FUBP3: variants seen among roughly 807,000 people sequenced by gnomAD.
FUBP3 encodes the protein far upstream element binding protein 3.
Under a neutral mutation model 85.6 loss-of-function variants are expected in FUBP3, and 28 were observed. That is an observed-to-expected ratio of 0.33 (90% CI 0.24 to 0.45). The LOEUF is 0.45. Ranked by LOEUF, FUBP3 falls within the 20% of genes least tolerant of loss-of-function variation. The pLI is 1.00. For missense variants in FUBP3, 583 were observed against 755.1 expected (o/e 0.77, Z 2.67); for synonymous variants, 271 against 271.4 (o/e 1.00, Z 0.01).
At chr9:130,603,347 CAAAAAAAAAAA>C (rs34850259) in intron 2 of FUBP3, among the ~76,000 whole-genome samples, 4 of 83,818 alleles carry the variant, frequency 4.8e-5, no homozygotes, top group South Asian at 4.1e-4. Flanking sequence ...ACTCTGTCTC[CAAAAAAAAAAA>C]AAAAAAAAAA....
At chr9:130,599,548 G>C (rs907870420) in intron 2 of FUBP3, among the ~76,000 whole-genome samples, 2 of 152,062 alleles carry the variant, frequency 1.3e-5, no homozygotes, top group Non-Finnish European at 2.9e-5. Flanking sequence ...AGAACCCAGA[G>C]CAGAATTTAG....
At position 130,579,654 on chromosome 9, in the gene FUBP3, GCGGCGGCGA is replaced by G. The variant is rs71387369; in HGVS notation, c.-18_-10del. ...AGCGGCGGCGTCGGCGGCGTCGGCG[GCGGCGGCGA>G]CGGCGGCGGGGGCGGTAATGGCGGA... is the stretch of plus-strand genomic sequence containing the variant. On this transcript the variant is annotated 5_prime_UTR_variant, in exon 1 of 19. Transcript: ENST00000319725. 17,589 of 1,213,270 alleles carry G rather than the reference GCGGCGGCGA, an allele frequency of 0.014. 125 individuals carry two copies. The highest frequency in any genetic ancestry group is 0.031 in the Middle Eastern group (102 of 3,278). 75.2% of individuals were successfully genotyped at this position (1,213,270 alleles called of 1,614,324 possible).
intron 12 of FUBP3, among the ~76,000 whole-genome samples, chr9:130,627,497 C>A (rs913607377): frequency 6.6e-6 from 1 of 152,224 alleles, no homozygotes; most frequent in Non-Finnish European, 1.5e-5. Context: ...TGGGAGCCCC[C>A]CGACACTCAC....
At chr9:130,590,280 A>G (rs1196646301) in intron 1 of FUBP3, among the ~76,000 whole-genome samples, 2 of 152,124 alleles carry the variant, frequency 1.3e-5, no homozygotes, top group South Asian at 2.1e-4. Flanking sequence ...AGGTGAAGAC[A>G]CCAAGGAGCA....
chr9:130,582,885 GCTGT>G (rs1255912647), intron 1 of FUBP3, among the ~76,000 whole-genome samples: 1 of 152,252 alleles, frequency 6.6e-6, no homozygotes, highest in East Asian at 1.9e-4. Context: ...GGACCAGCTA[GCTGT>G]CTGCCAGTCG....
At chr9:130,603,215 C>T (rs547925523) in intron 2 of FUBP3, among the ~76,000 whole-genome samples, 2 of 152,122 alleles carry the variant, frequency 1.3e-5, no homozygotes, top group African/African-American at 2.4e-5. Flanking sequence ...GATGTGGTGG[C>T]GTGCACCTGT....
intron 2 of FUBP3, among the ~76,000 whole-genome samples, chr9:130,606,975 T>G (rs1209317338): frequency 1.3e-5 from 2 of 152,072 alleles, no homozygotes; most frequent in Non-Finnish European, 2.9e-5. Flanking sequence ...ATTGTTTGTT[T>G]GATTGATTGA....
intron 2 of FUBP3, among the ~76,000 whole-genome samples, chr9:130,607,722 A>C (rs1332601403): frequency 1.3e-5 from 2 of 152,154 alleles, no homozygotes; most frequent in African/African-American, 4.8e-5. Context: ...GCAAATGGGA[A>C]TGTTCCGAAG....
chr9:130,589,691 ATATATATATATATATTTTT>A lies in FUBP3; in HGVS notation c.85-5790_85-5772del, dbSNP rs1241276577. Among the ~76,000 whole-genome samples, 6 of 28,968 alleles carry A rather than the reference ATATATATATATATATTTTT, an allele frequency of 2.1e-4. 1 individual carries two copies. Among genetic ancestry groups the A allele is most frequent in the Admixed American group, 4.9e-4 (1 of 2,028 alleles). 19.0% of individuals were successfully genotyped at this position (28,968 alleles called of 152,430 possible). On this transcript the variant is annotated intron_variant, in intron 1 of 18. Coordinates refer to ENST00000319725, the MANE Select transcript of FUBP3 (RefSeq NM_003934.2). ...TATGTGTGTGTATATATATATATAT[ATATATATATATATATTTTT>A]TTTTTTTTTTTTTTTTTTAAGAGAC...
Position 130,637,303 on chromosome 9 carries a change from G to T in FUBP3, c.*281G>T, listed in dbSNP as rs1830453103. On this transcript the variant is annotated 3_prime_UTR_variant, in exon 19 of 19. Coordinates refer to ENST00000319725, the MANE Select transcript of FUBP3 (RefSeq NM_003934.2). ...AAGTCAGGCACCAGAATGTGCCTCA[G>T]AGCTGTGACATTTCAACATGATGGT... 2.3e-6 allele frequency: 1 copy of T among 439,676 alleles called. No homozygotes were observed. The highest frequency in any genetic ancestry group is 3.7e-5 in the Admixed American group (1 of 27,012). The allele number at this position is 439,676 out of a possible 1,614,324, so 27.2% of individuals were successfully genotyped here.
At chr9:130,586,903 C>A (rs919292095) in intron 1 of FUBP3, among the ~76,000 whole-genome samples, 6 of 151,806 alleles carry the variant, frequency 4.0e-5, no homozygotes, top group African/African-American at 1.2e-4. Flanking sequence ...GTGCCTGCCA[C>A]CACACCTGGC....
Position 130,637,156 on chromosome 9 carries a change from T to G in FUBP3, c.*134T>G. 1.4e-6 allele frequency: 1 copy of G among 712,682 alleles called. No individual in the cohort carries two copies. Among genetic ancestry groups the G allele is most frequent in the Non-Finnish European group, 2.4e-6 (1 of 411,670 alleles). 44.1% of individuals were successfully genotyped at this position (712,682 alleles called of 1,614,324 possible). On this transcript the variant is annotated 3_prime_UTR_variant, in exon 19 of 19. Transcript: ENST00000319725. Reference sequence around the variant, plus strand: ...GTTCTGTGAAACACTATATTTAGATTAACGGAATTTTTCTAAAAATCAGGA... The same window carrying G: ...GTTCTGTGAAACACTATATTTAGATGAACGGAATTTTTCTAAAAATCAGGA...
At chr9:130,615,874 G>T (rs1831980513) in intron 6 of FUBP3, among the ~76,000 whole-genome samples, 1 of 152,222 alleles carries the variant, frequency 6.6e-6, no homozygotes, top group South Asian at 2.1e-4. Context: ...TGGGAGTTCA[G>T]ACAGTGAGTA....
intron 1 of FUBP3, among the ~76,000 whole-genome samples, chr9:130,591,872 A>G (rs527886591): frequency 1.3e-5 from 2 of 152,344 alleles, no homozygotes; most frequent in East Asian, 3.9e-4. Flanking sequence ...AAAAAATGAC[A>G]TGAAACTACT....
chr9:130,609,886 G>A (rs1831651648), intron 2 of FUBP3, 68 bp from the exon 3 acceptor site: 1 of 1,200,368 alleles, frequency 8.3e-7, no homozygotes, highest in African/African-American at 1.5e-5. Flanking sequence ...TGGTAAGAAT[G>A]GTAAGGATGA....
Position 130,612,843 on chromosome 9 carries a change from G to C in FUBP3, c.275-113G>C. 1.3e-6 allele frequency: 1 copy of C among 761,022 alleles called. No individual in the cohort carries two copies. Among genetic ancestry groups the C allele is most frequent in the Non-Finnish European group, 2.3e-6 (1 of 438,656 alleles). The allele number at this position is 761,022 out of a possible 1,614,324, so 47.1% of individuals were successfully genotyped here. The stretch of plus-strand genomic sequence containing the variant: ...GAGATGGGCTCACGGGGGCCAACTC[G>C]ATGTGTAGTATTGTGAGCCAAGTGT... On this transcript the variant is annotated intron_variant, in intron 4 of 18. Transcript: ENST00000319725. The surrounding 1 kb of genome is among the most constrained non-coding windows in gnomAD (Gnocchi z 4.1).
intron 1 of FUBP3, 50 bp from the exon 2 acceptor site, chr9:130,595,433 G>A (rs769238240): frequency 1.1e-6 from 1 of 913,926 alleles, no homozygotes; most frequent in East Asian, 2.4e-5. Flanking sequence ...TTCTCCCTCA[G>A]ATAGAGCCAT....
intron 1 of FUBP3, among the ~76,000 whole-genome samples, chr9:130,583,658 C>T (rs535335654): frequency 1.3e-5 from 2 of 152,190 alleles, no homozygotes; most frequent in South Asian, 2.1e-4. Flanking sequence ...AGGAAATCCA[C>T]GGGCTGCTCC....
intron 2 of FUBP3, among the ~76,000 whole-genome samples, 159 bp downstream of exon 2, chr9:130,595,747 C>T (rs762556096): frequency 6.6e-6 from 1 of 152,194 alleles, no homozygotes; most frequent in African/African-American, 2.4e-5. Context: ...AGCAGTTCTT[C>T]AGCATTTGAG....
Sources: allele counts gnomAD v4.1 joint callset (sites outside exome capture counted in the v4.1 genomes callset), GRCh38; gene constraint gnomAD v4.1.1; non-coding constraint Gnocchi (gnomAD v3.1); transcripts MANE v1.5; gene names NCBI Gene and HGNC (gene_info 2026-07-23, HGNC 2026-07-21).